Variants in KCNH7 observed in about 807,000 individuals in gnomAD.
KCNH7 encodes the protein voltage-gated inwardly rectifying potassium channel KCNH7.
A neutral mutation model predicts 120.8 loss-of-function variants in KCNH7; 49 were observed. The ratio of observed to expected loss-of-function variants is 0.41; its 90% confidence interval spans 0.32 to 0.51. The LOEUF (loss-of-function observed/expected upper bound fraction) is 0.51. Ranked by LOEUF, KCNH7 falls within the 20% of genes least tolerant of loss-of-function variation. The pLI, the probability that KCNH7 is intolerant of heterozygous loss-of-function variation, is 0.38. For synonymous variants in KCNH7, 547 were observed against 516.1 expected, an observed-to-expected ratio of 1.06 and a Z score of -0.81; for missense variants, 1,097 against 1,446.6, an observed-to-expected ratio of 0.76 and a Z score of 3.92.
rs368868563 is a variant in KCNH7, at chr2:162,426,580, C to T, written c.1955-3045G>A. 2.0e-5 allele frequency among the ~76,000 whole-genome samples: 3 copies of T among 152,110 alleles called. No individual in the cohort carries two copies. In the East Asian group the frequency reaches 5.8e-4, roughly 29 times the overall value. On this transcript the variant is annotated intron_variant, in intron 8 of 15. Coordinates refer to ENST00000332142, the MANE Select transcript of KCNH7 (RefSeq NM_033272.4). ...GGTTCTCTTAAAAATTCCTTCAGCA[C>T]ACCACGCCTTAATTCTGATATGCTG...
intron 6 of KCNH7, among the ~76,000 whole-genome samples, chr2:162,461,057 T>C (rs1315054724): frequency 6.6e-6 from 1 of 152,202 alleles, no homozygotes; most frequent in Non-Finnish European, 1.5e-5. Context: ...GAGAATTATG[T>C]AGAACTACCT....
intron 5 of KCNH7, among the ~76,000 whole-genome samples, chr2:162,509,876 A>G (rs1032479066): frequency 6.6e-6 from 1 of 151,626 alleles, no homozygotes; most frequent in African/African-American, 2.4e-5. Flanking sequence ...GGAACACACC[A>G]ATGTCAGAGG....
At chr2:162,836,201 C>T (rs774157902) in intron 2 of KCNH7, among the ~76,000 whole-genome samples, 4 of 152,104 alleles carry the variant, frequency 2.6e-5, no homozygotes, top group Admixed American at 6.5e-5. Flanking sequence ...CTGTATTTCT[C>T]GCCTACCAAA....
At chr2:162,760,453 T>C (rs975231745) in intron 2 of KCNH7, among the ~76,000 whole-genome samples, 3 of 152,166 alleles carry the variant, frequency 2.0e-5, no homozygotes, top group Admixed American at 2.0e-4. Flanking sequence ...TTATTTCTCC[T>C]GTAAATTTAG....
chr2:162,408,102 G>A (rs1687282501), intron 9 of KCNH7, among the ~76,000 whole-genome samples: 2 of 151,988 alleles, frequency 1.3e-5, no homozygotes, highest in Admixed American at 6.6e-5. Flanking sequence ...ACTTACTCCA[G>A]GGCTCCTTCA....
chr2:162,603,858 G>C (rs1694640264), intron 2 of KCNH7, among the ~76,000 whole-genome samples: 1 of 151,728 alleles, frequency 6.6e-6, no homozygotes. Flanking sequence ...AACTTTACTA[G>C]TATTACATTT....
chr2:162,804,139 G>A (rs543856581), intron 2 of KCNH7, among the ~76,000 whole-genome samples: 13 of 151,846 alleles, frequency 8.6e-5, no homozygotes, highest in Middle Eastern at 3.4e-3. Flanking sequence ...CTATACAGAT[G>A]TATAAAATCA....
chr2:162,469,831 C>T (rs528886442), intron 6 of KCNH7, among the ~76,000 whole-genome samples: 44 of 152,264 alleles, frequency 2.9e-4, no homozygotes, highest in South Asian at 6.2e-4. Context: ...CTCAGCCTAC[C>T]GAGTGCCTGC....
intron 6 of KCNH7, among the ~76,000 whole-genome samples, chr2:162,475,158 A>G (rs1028283680): frequency 6.6e-6 from 1 of 152,226 alleles, no homozygotes. Context: ...ATTATTATAT[A>G]TACTACAAGC....
chr2:162,782,761 C>T (rs534681637), intron 2 of KCNH7, among the ~76,000 whole-genome samples: 11 of 152,260 alleles, frequency 7.2e-5, no homozygotes, highest in South Asian at 2.1e-4. Context: ...TTCAAAGGGA[C>T]GCTGAAGCAT....
At chr2:162,699,130 G>A (rs1413112744) in intron 2 of KCNH7, among the ~76,000 whole-genome samples, 1 of 151,992 alleles carries the variant, frequency 6.6e-6, no homozygotes, top group African/African-American at 2.4e-5. Context: ...ACAATACATT[G>A]TTATGAACTC....
chr2:162,674,020 A>G (rs966236382), intron 2 of KCNH7, among the ~76,000 whole-genome samples: 2 of 151,958 alleles, frequency 1.3e-5, no homozygotes, highest in African/African-American at 4.8e-5. Flanking sequence ...AATGTCCACA[A>G]TCATCATTGC....
At chr2:162,727,735 A>C (rs1173224362) in intron 2 of KCNH7, among the ~76,000 whole-genome samples, 2 of 152,134 alleles carry the variant, frequency 1.3e-5, no homozygotes, top group Admixed American at 6.5e-5. Flanking sequence ...CTTGTTGATG[A>C]ACACTTGGGC....
At chr2:162,774,724 T>C (rs113778105) in intron 2 of KCNH7, among the ~76,000 whole-genome samples, 76 of 152,274 alleles carry the variant, frequency 5.0e-4, no homozygotes, top group African/African-American at 1.8e-3. Context: ...TCAAAATTTA[T>C]AAAAAAGAAA....
intron 8 of KCNH7, among the ~76,000 whole-genome samples, chr2:162,427,773 A>G (rs1329126586): frequency 6.6e-6 from 1 of 151,822 alleles, no homozygotes; most frequent in Non-Finnish European, 1.5e-5. Flanking sequence ...GGTAATGTGT[A>G]TAATTCAAAT....
At chr2:162,763,004 T>A (rs1461249972) in intron 2 of KCNH7, among the ~76,000 whole-genome samples, 1 of 152,102 alleles carries the variant, frequency 6.6e-6, no homozygotes, top group Non-Finnish European at 1.5e-5. Context: ...GAAAGTATTT[T>A]ATAATACAAT....
intron 2 of KCNH7, among the ~76,000 whole-genome samples, chr2:162,578,459 T>C (rs2105912383): frequency 6.6e-6 from 1 of 152,122 alleles, no homozygotes; most frequent in Non-Finnish European, 1.5e-5. Flanking sequence ...ACAAACCAGC[T>C]AGTGACACGG....
chr2:162,678,586 A>G (rs374825855), intron 2 of KCNH7, among the ~76,000 whole-genome samples: 47 of 151,622 alleles, frequency 3.1e-4, no homozygotes, highest in African/African-American at 9.4e-4. Flanking sequence ...TTCACTGACA[A>G]CATTAGAGAA....
chr2:162,488,550 G>A (rs568573652), intron 6 of KCNH7, among the ~76,000 whole-genome samples: 1 of 152,054 alleles, frequency 6.6e-6, no homozygotes, highest in African/African-American at 2.4e-5. Flanking sequence ...CAGGCATCTT[G>A]TTCCAGATCT....
Sources: gnomAD v4.1 joint callset for allele counts (sites outside exome capture counted in the v4.1 genomes callset) on GRCh38, gnomAD v4.1.1 for gene constraint, MANE v1.5 for transcripts, NCBI Gene and HGNC (gene_info 2026-07-23, HGNC 2026-07-21) for gene names.